LDB2: variants seen among roughly 807,000 people sequenced by gnomAD.
LDB2 encodes LIM domain-binding protein 2.
LDB2 carries 12 observed loss-of-function variants against 44.3 expected under a neutral mutation model. That is an observed-to-expected ratio of 0.27 (90% CI 0.17 to 0.44). The LOEUF is 0.44. LDB2 is among the 20% of genes least tolerant of loss of function. LDB2 has a pLI of 1.00. For synonymous variants in LDB2, 164 were observed against 174.8 expected, an observed-to-expected ratio of 0.94 and a Z score of 0.49; for missense variants, 344 against 473.5, an observed-to-expected ratio of 0.73 and a Z score of 2.54.
At chr4:16,613,267 C>G (rs1726185569) in intron 2 of LDB2, among the ~76,000 whole-genome samples, 1 of 152,136 alleles carries the variant, frequency 6.6e-6, no homozygotes. Flanking sequence ...TATTGAATGG[C>G]AAAAGCTGGA....
chr4:16,540,393 A>G (rs1007005828), intron 5 of LDB2, among the ~76,000 whole-genome samples: 3 of 152,108 alleles, frequency 2.0e-5, no homozygotes, highest in African/African-American at 4.8e-5. Context: ...CAAAGCAAAA[A>G]TGTGTTTATT....
At chr4:16,778,169 G>C (rs1362227888) in intron 1 of LDB2, among the ~76,000 whole-genome samples, 1 of 152,144 alleles carries the variant, frequency 6.6e-6, no homozygotes, top group Admixed American at 6.6e-5. Context: ...ATGCATGAAT[G>C]CTTTAAGGTC....
chr4:16,602,444 T>TGAAAGA (rs1722821738), intron 2 of LDB2, among the ~76,000 whole-genome samples: 1 of 151,344 alleles, frequency 6.6e-6, no homozygotes. Flanking sequence ...GGCTTTGTGG[T>TGAAAGA]AGGAGGGTGG....
chr4:16,706,646 A>G (rs890337582), intron 2 of LDB2, among the ~76,000 whole-genome samples: 2 of 152,222 alleles, frequency 1.3e-5, no homozygotes, highest in African/African-American at 4.8e-5. Context: ...TAGTGTGTTA[A>G]GTGTTTGCAT....
At chr4:16,675,280 C>A (rs1240687216) in intron 2 of LDB2, among the ~76,000 whole-genome samples, 5 of 152,182 alleles carry the variant, frequency 3.3e-5, no homozygotes, top group Non-Finnish European at 7.3e-5. Flanking sequence ...TTTCTGTCCA[C>A]TCGTTTGAGT....
intron 7 of LDB2, among the ~76,000 whole-genome samples, chr4:16,504,118 G>T (rs1287572844): frequency 6.6e-6 from 1 of 152,066 alleles, no homozygotes. Context: ...GAGATGAGAG[G>T]GTGGGGTTTC....
rs539507998 is a variant in LDB2, at chr4:16,734,703, CTTT to C, written c.235+24452_235+24454del. On this transcript the variant is annotated intron_variant, in intron 2 of 7. Coordinates refer to ENST00000304523, the MANE Select transcript of LDB2 (RefSeq NM_001290.5). ...CTGCTGCTTCCCAACTTCTTGTTTT[CTTT>C]TTTTTTTTTTTTTTTTTTTGAGATG... Among the ~76,000 whole-genome samples, 353 of 129,344 alleles carry C rather than the reference CTTT, an allele frequency of 2.7e-3. 1 individual carries two copies. The highest frequency in any genetic ancestry group is 9.5e-3 in the African/African-American group (329 of 34,758). The allele number at this position is 129,344 out of a possible 152,430, so 84.9% of individuals were successfully genotyped here.
intron 2 of LDB2, among the ~76,000 whole-genome samples, chr4:16,757,504 T>C (rs1217960690): frequency 6.6e-6 from 1 of 152,172 alleles, no homozygotes; most frequent in Non-Finnish European, 1.5e-5. Flanking sequence ...CCAGAATCTG[T>C]TGTATTAGGA....
intron 5 of LDB2, among the ~76,000 whole-genome samples, chr4:16,539,903 C>G (rs1733170843): frequency 6.6e-6 from 1 of 152,082 alleles, no homozygotes; most frequent in African/African-American, 2.4e-5. Flanking sequence ...TCTCACATTG[C>G]TATAAAGGAC....
intron 2 of LDB2, among the ~76,000 whole-genome samples, chr4:16,756,564 A>G (rs1295860538): frequency 1.3e-5 from 2 of 152,208 alleles, no homozygotes; most frequent in Non-Finnish European, 2.9e-5. Context: ...TCAGTAAAGG[A>G]TAGCTTTGCC....
chr4:16,524,509 C>T (rs979633785), intron 5 of LDB2, among the ~76,000 whole-genome samples: 1 of 152,138 alleles, frequency 6.6e-6, no homozygotes, highest in African/African-American at 2.4e-5. Context: ...GCATTGGAAA[C>T]CACCACATCG....
chr4:16,676,093 C>T (rs1043381164), intron 2 of LDB2, among the ~76,000 whole-genome samples: 8 of 152,194 alleles, frequency 5.3e-5, no homozygotes, highest in African/African-American at 1.9e-4. Context: ...TGGCTAATGT[C>T]ATGTCTGAAC....
At chr4:16,708,159 T>TG (rs1227701987) in intron 2 of LDB2, among the ~76,000 whole-genome samples, 2 of 151,960 alleles carry the variant, frequency 1.3e-5, no homozygotes, top group East Asian at 1.9e-4. Flanking sequence ...CACCCAACTT[T>TG]GGGGGAAAAA....
At chr4:16,610,402 A>T (rs1725287968) in intron 2 of LDB2, among the ~76,000 whole-genome samples, 1 of 152,192 alleles carries the variant, frequency 6.6e-6, no homozygotes, top group Non-Finnish European at 1.5e-5. Flanking sequence ...AAGATGGGTA[A>T]TAAAAAACTA....
chr4:16,663,700 C>A (rs375552873), intron 2 of LDB2, among the ~76,000 whole-genome samples: 3 of 152,132 alleles, frequency 2.0e-5, no homozygotes, highest in Non-Finnish European at 4.4e-5. Flanking sequence ...AATATCTATT[C>A]GTAATCTAAG....
At chr4:16,528,037 A>C (rs1258444242) in intron 5 of LDB2, among the ~76,000 whole-genome samples, 2 of 152,130 alleles carry the variant, frequency 1.3e-5, no homozygotes, top group Non-Finnish European at 1.5e-5. Context: ...CATAAAAAAG[A>C]ATGAGTTAAT....
chr4:16,703,553 A>ACGGC (rs1313039837), intron 2 of LDB2, among the ~76,000 whole-genome samples: 1 of 152,246 alleles, frequency 6.6e-6, no homozygotes, highest in Non-Finnish European at 1.5e-5. Flanking sequence ...GATTGGCTGT[A>ACGGC]CGGCCCTGAG....
In LDB2 at chr4:16,662,461, T is replaced by C. The variant is rs533642290; in HGVS notation, c.236-66586A>G. 4.1e-4 allele frequency among the ~76,000 whole-genome samples: 63 copies of C among 152,318 alleles called. No individual in the cohort carries two copies. The South Asian group carries it at 0.013, about 31-fold the overall frequency. ...CACAGTGCCTTGCAAAATTAATATT[T>C]GGTAAAAATATATCATCCAATCATA... On this transcript the variant is annotated intron_variant, in intron 2 of 7. Transcript: ENST00000304523.
intron 2 of LDB2, among the ~76,000 whole-genome samples, chr4:16,725,704 C>T (rs997502263): frequency 6.6e-6 from 1 of 152,042 alleles, no homozygotes; most frequent in African/African-American, 2.4e-5. Context: ...CTCAGGGACA[C>T]ACCTGAAGCC....
Sources: allele counts gnomAD v4.1 joint callset (sites outside exome capture counted in the v4.1 genomes callset), GRCh38; gene constraint gnomAD v4.1.1; transcripts MANE v1.5; gene names NCBI Gene and HGNC (gene_info 2026-07-23, HGNC 2026-07-21).